Variants in TNFRSF8 observed in about 807,000 individuals in gnomAD.
The protein encoded by TNFRSF8 is tumor necrosis factor receptor superfamily member 8.
In TNFRSF8, 26 loss-of-function variants were observed where a neutral mutation model predicts 70.8. The ratio of observed to expected loss-of-function variants is 0.37; its 90% CI spans 0.27 to 0.51. The LOEUF (loss-of-function observed/expected upper bound fraction) is 0.51. Among genes scored for constraint, TNFRSF8 ranks in the 20% least tolerant of loss-of-function variants. TNFRSF8 has a pLI of 0.94. For missense variants in TNFRSF8, 720 were observed against 807.9 expected (o/e 0.89, Z 1.32); for synonymous variants, 356 against 339.2 (o/e 1.05, Z -0.54).
chr1:12,137,082 G>A (rs1447631790), intron 13 of TNFRSF8, among the ~76,000 whole-genome samples: 1 of 152,012 alleles, frequency 6.6e-6, no homozygotes, highest in Non-Finnish European at 1.5e-5. Flanking sequence ...AGATTAGGGA[G>A]TGGTGATGAC....
At position 12,109,049 on chromosome 1, in the gene TNFRSF8, C is replaced by A. The variant is rs1255312863; in HGVS notation, c.422-517C>A. Among the ~76,000 whole-genome samples, 2 of 152,318 alleles carry A rather than the reference C, an allele frequency of 1.3e-5. No homozygotes were observed. Among genetic ancestry groups the A allele is most frequent in the East Asian group, 3.9e-4 (2 of 5,186 alleles). On this transcript the variant is annotated intron_variant, in intron 4 of 14. Transcript: ENST00000263932. The surrounding 1 kb of genome is among the most constrained non-coding windows in gnomAD (Gnocchi z 4.4). ...GCTTCAGGCATGGCTGGATCCAGGG[C>A]TCCATCTTGCCCCATCTCTCACCTC...
At chr1:12,102,031 G>A (rs1641432784) in intron 3 of TNFRSF8, among the ~76,000 whole-genome samples, 1 of 152,148 alleles carries the variant, frequency 6.6e-6, no homozygotes, top group Non-Finnish European at 1.5e-5. Context: ...TGACTGAAAT[G>A]TTGCTCTGTG....
At chr1:12,136,288 A>G (rs921464858) in intron 13 of TNFRSF8, among the ~76,000 whole-genome samples, 1 of 152,204 alleles carries the variant, frequency 6.6e-6, no homozygotes. Context: ...GGTATTCAAC[A>G]ATTTGTAAGG....
At chr1:12,084,146 A>T (rs1641111933) in intron 1 of TNFRSF8, among the ~76,000 whole-genome samples, 2 of 152,192 alleles carry the variant, frequency 1.3e-5, no homozygotes, top group Non-Finnish European at 2.9e-5. Flanking sequence ...GGAAGCAATT[A>T]TGTTAATCCC....
intron 1 of TNFRSF8, among the ~76,000 whole-genome samples, chr1:12,081,294 G>C (rs760837944): frequency 4.5e-4 from 69 of 152,006 alleles, no homozygotes; most frequent in Non-Finnish European, 9.1e-4. Flanking sequence ...CAGGCAGGCC[G>C]GGAGGGGAGA....
rs561919631 is a variant in TNFRSF8 at position 12,135,663 on chromosome 1, A to T, written c.1335+50A>T. 5 of 1,607,954 alleles carry T rather than the reference A, an allele frequency of 3.1e-6. No homozygotes were observed. In the South Asian group the frequency reaches 3.3e-5, roughly 11 times the overall value. On this transcript the variant is annotated intron_variant, in intron 13 of 14. Coordinates refer to ENST00000263932, the MANE Select transcript of TNFRSF8 (RefSeq NM_001243.5). ...CCTCAGCTTCGTGCCCCTAAATCTG[A>T]CTCCTTCCCTAACAGATCTGAAGTT...
At chr1:12,073,483 TCTTC>T (rs902877778) in intron 1 of TNFRSF8, among the ~76,000 whole-genome samples, 10 of 147,664 alleles carry the variant, frequency 6.8e-5, no homozygotes, top group Non-Finnish European at 1.3e-4. Context: ...CTTCTTTTCT[TCTTC>T]CTTCCTTCCC....
chr1:12,131,648 C>T (rs1642049554), intron 12 of TNFRSF8, among the ~76,000 whole-genome samples: 1 of 152,112 alleles, frequency 6.6e-6, no homozygotes, highest in Admixed American at 6.5e-5. Flanking sequence ...TACACACCAC[C>T]ACGCCCAGCT....
Position 12,142,445 on chromosome 1 carries a change from C to A in TNFRSF8, c.1702C>A (p.Pro568Thr). Residue 568 changes from proline to threonine, a missense_variant, in exon 15 of 15, where the codon CCT (proline) becomes ACT (threonine). By Grantham distance (38) the Pro-to-Thr change is conservative (BLOSUM62 -1). Coordinates refer to ENST00000263932, the MANE Select transcript of TNFRSF8 (RefSeq NM_001243.5). The surrounding 1 kb of genome is among the most constrained non-coding windows in gnomAD (Gnocchi z 5.0). ...PHYPEQETEPPLGSCSDVMLS... is the reference protein window; with the variant it reads ...PHYPEQETEPTLGSCSDVMLS... ...CTACCCCGAGCAGGAGACAGAACCG[C>A]CTCTGGGCAGCTGCAGCGATGTCAT... 1 of 1,612,914 alleles carries A rather than the reference C, an allele frequency of 6.2e-7. No individual in the cohort carries two copies. Among genetic ancestry groups the A allele is most frequent in the South Asian group, 1.1e-5 (1 of 90,742 alleles).
rs140899801 is a variant in TNFRSF8 at position 12,090,902 on chromosome 1, C to T, written c.152-6199C>T. On this transcript the variant is annotated intron_variant, in intron 2 of 14. Transcript: ENST00000263932. ...TTAACCCCAGAATCTCAGAGTGTGA[C>T]CTTATTCGGAGATGGGGTCTTTAAA... 2.8e-3 allele frequency among the ~76,000 whole-genome samples: 426 copies of T among 152,194 alleles called. 2 individuals are homozygous for T. Among genetic ancestry groups the T allele is most frequent in the African/African-American group, 9.9e-3 (411 of 41,504 alleles).
rs928258115 is a variant in TNFRSF8, at chr1:12,138,503, T to C, written c.1543+67T>C. The C allele has an allele frequency of 1.4e-6, 2 of 1,450,138 alleles. No homozygotes were observed. The highest frequency in any genetic ancestry group is 2.4e-5 in the East Asian group (1 of 41,742). The allele number at this position is 1,450,138 out of a possible 1,614,324, so 89.8% of individuals were successfully genotyped here. On this transcript the variant is annotated intron_variant, in intron 14 of 14. Transcript: ENST00000263932. This position sits in a 1 kb window ranked among gnomAD's most constrained non-coding sequence, Gnocchi z 5.7. ...CAGATGGGAGATGAATACGGGGCCCTGGGCCCTGGAAGGGACCTGGAGACC... is the reference window on the plus strand; with the variant it reads ...CAGATGGGAGATGAATACGGGGCCCCGGGCCCTGGAAGGGACCTGGAGACC...
At chr1:12,126,084 G>T in intron 11 of TNFRSF8, 32 bp downstream of exon 11, 1 of 1,612,580 alleles carries the variant, frequency 6.2e-7, no homozygotes, top group East Asian at 2.2e-5. Context: ...GCCTTGGGGA[G>T]GACAGGTTGC....
At chr1:12,101,311 C>T (rs1403960085) in intron 3 of TNFRSF8, among the ~76,000 whole-genome samples, 1 of 151,828 alleles carries the variant, frequency 6.6e-6, no homozygotes. Context: ...CCTGTAGTCC[C>T]AGCTACTCAG....
rs1000130287 is a variant in TNFRSF8, at chr1:12,112,069, G to A, written c.793+55G>A. The A allele has an allele frequency of 2.7e-5, 37 of 1,364,996 alleles. No homozygotes were observed. The Middle Eastern group carries it at 5.4e-4, about 20-fold the overall frequency. 84.6% of individuals were successfully genotyped at this position (1,364,996 alleles called of 1,614,324 possible). A position where few individuals can be genotyped will look rare whatever the true frequency, so the allele number is the denominator to read the frequency against. On this transcript the variant is annotated intron_variant, in intron 7 of 14. Transcript: ENST00000263932. The surrounding 1 kb of genome is among the most constrained non-coding windows in gnomAD (Gnocchi z 5.3). Reference sequence around the variant, plus strand: ...GTTTACCTCTCTGCATTTTTGAACCGTGAACTTCCAGTAACTACTCCCCCT... The same window carrying A: ...GTTTACCTCTCTGCATTTTTGAACCATGAACTTCCAGTAACTACTCCCCCT...
In TNFRSF8 at chr1:12,104,368, G is replaced by A; in HGVS notation, c.269-11G>A. 6.2e-7 allele frequency: 1 copy of A among 1,614,042 alleles called. No homozygotes were observed. The highest frequency in any genetic ancestry group is 1.7e-5 in the Admixed American group (1 of 59,992). On this transcript the variant is annotated splice_polypyrimidine_tract_variant and intron_variant, in intron 3 of 14. Transcript: ENST00000263932. ...CTGTTCCCCTCTGTGACCCCTGTCTGTGTCCCTTAGACGACCTCGTGGAGA... is the reference window on the plus strand; with the variant it reads ...CTGTTCCCCTCTGTGACCCCTGTCTATGTCCCTTAGACGACCTCGTGGAGA...
rs755033585 is a variant in TNFRSF8, at chr1:12,113,769, A to AAG, written c.793+1769_793+1770dup. Reference sequence around the variant, plus strand: ...AGAGAAAGAGAGAGAGAGAGACAGAAAGAGAGAGAGAGAGACAGACAGAGG... The same window carrying AAG: ...AGAGAAAGAGAGAGAGAGAGACAGAAAGAGAGAGAGAGAGAGACAGACAGAGG... On this transcript the variant is annotated intron_variant, in intron 7 of 14. Coordinates refer to ENST00000263932, the MANE Select transcript of TNFRSF8 (RefSeq NM_001243.5). The surrounding 1 kb of genome is among the most constrained non-coding windows in gnomAD (Gnocchi z 4.9). Among the ~76,000 whole-genome samples, 13 of 150,134 alleles carry AAG rather than the reference A, an allele frequency of 8.7e-5. No homozygotes were observed. Among genetic ancestry groups the AAG allele is most frequent in the Admixed American group, 1.3e-4 (2 of 15,038 alleles).
At chr1:12,094,392 T>C (rs1451392633) in intron 2 of TNFRSF8, among the ~76,000 whole-genome samples, 2 of 152,020 alleles carry the variant, frequency 1.3e-5, no homozygotes, top group Admixed American at 1.3e-4. Flanking sequence ...GAAGGGAGCA[T>C]TGCCCCTTTG....
chr1:12,095,141 C>T (rs1327214214), intron 2 of TNFRSF8, among the ~76,000 whole-genome samples: 2 of 152,186 alleles, frequency 1.3e-5, no homozygotes, highest in Non-Finnish European at 2.9e-5. Context: ...CGGCTTTGTC[C>T]TCAGCGGAAA....
chr1:12,090,359 C>T (rs1407899091), intron 2 of TNFRSF8, among the ~76,000 whole-genome samples: 3 of 151,686 alleles, frequency 2.0e-5, no homozygotes, highest in Non-Finnish European at 4.4e-5. Context: ...TCCGTCTACC[C>T]ATCCACCCAT....
Sources: gnomAD v4.1 joint callset for allele counts (sites outside exome capture counted in the v4.1 genomes callset) on GRCh38, gnomAD v4.1.1 for gene constraint, Gnocchi (gnomAD v3.1) non-coding constraint, MANE v1.5 for transcripts, NCBI Gene and HGNC (gene_info 2026-07-23, HGNC 2026-07-21) for gene names.